CPN1: variants seen among roughly 807,000 people sequenced by gnomAD.
The protein encoded by CPN1 is carboxypeptidase N catalytic chain.
Under a neutral mutation model 46.4 loss-of-function variants are expected in CPN1, and 37 were observed. That is an observed-to-expected ratio of 0.80 (90% CI 0.61 to 1.05). CPN1 has a LOEUF of 1.05. Among genes scored for constraint, CPN1 ranks in the 50% least tolerant of loss-of-function variants. The pLI, the probability that CPN1 is intolerant of heterozygous loss-of-function variation, is 0.00. For missense variants in CPN1, 563 were observed against 602.6 expected, an observed-to-expected ratio of 0.93 and a Z score of 0.69; for synonymous variants, 224 against 235.4, an observed-to-expected ratio of 0.95 and a Z score of 0.44.
At chr10:100,050,803 T>C (rs577710868) in intron 7 of CPN1, among the ~76,000 whole-genome samples, 2 of 152,272 alleles carry the variant, frequency 1.3e-5, no homozygotes, top group South Asian at 4.1e-4. Context: ...TTTATTATTT[T>C]TATTTTTTGT....
chr10:100,075,577 C>T (rs2041509047), intron 2 of CPN1, among the ~76,000 whole-genome samples: 1 of 152,096 alleles, frequency 6.6e-6, no homozygotes, highest in Admixed American at 6.6e-5. Context: ...TTGCAATATC[C>T]CTCCACATCT....
intron 4 of CPN1, among the ~76,000 whole-genome samples, chr10:100,064,582 T>C (rs1385796764): frequency 6.6e-6 from 1 of 151,744 alleles, no homozygotes; most frequent in Non-Finnish European, 1.5e-5. Flanking sequence ...TGTTTCGCCA[T>C]GTTGGGCAGG....
At chr10:100,042,716 C>T (rs1190838252) in intron 8 of CPN1, 143 bp from the exon 9 acceptor site, 16 of 983,292 alleles carry the variant, frequency 1.6e-5, no homozygotes, top group East Asian at 5.1e-5. Flanking sequence ...ACTTGGCTAA[C>T]GTTCCCCCAA....
chr10:100,054,895 A>T (rs2041376796), intron 6 of CPN1, among the ~76,000 whole-genome samples: 1 of 149,594 alleles, frequency 6.7e-6, no homozygotes. Context: ...ACTATAGTAA[A>T]ATACACATAA....
At chr10:100,079,503 G>C (rs1427693234) in intron 1 of CPN1, among the ~76,000 whole-genome samples, 1 of 152,212 alleles carries the variant, frequency 6.6e-6, no homozygotes, top group African/African-American at 2.4e-5. Context: ...TTGGAGTGTT[G>C]GGGGGCTAAC....
chr10:100,066,240 C>T (rs2041454329), intron 3 of CPN1, among the ~76,000 whole-genome samples: 1 of 152,102 alleles, frequency 6.6e-6, no homozygotes, highest in Admixed American at 6.5e-5. Flanking sequence ...CGTGAGCCAC[C>T]ATTCCCAGCC....
chr10:100,055,145 G>A (rs2041378184), intron 6 of CPN1, among the ~76,000 whole-genome samples: 1 of 151,760 alleles, frequency 6.6e-6, no homozygotes, highest in Non-Finnish European at 1.5e-5. Flanking sequence ...GGCCGAGACA[G>A]GAGAATCGCT....
At chr10:100,045,167 T>C (rs952806617) in intron 8 of CPN1, among the ~76,000 whole-genome samples, 3 of 152,222 alleles carry the variant, frequency 2.0e-5, no homozygotes, top group Non-Finnish European at 4.4e-5. Context: ...TCTGAGTATA[T>C]TTGACATAAT....
At chr10:100,066,655 A>G (rs958555769) in intron 3 of CPN1, among the ~76,000 whole-genome samples, 1 of 152,268 alleles carries the variant, frequency 6.6e-6, no homozygotes, top group Non-Finnish European at 1.5e-5. Flanking sequence ...AATAATTTAC[A>G]GTCTACAGCA....
At chr10:100,054,495 G>A in intron 6 of CPN1, 49 bp from the exon 7 acceptor site, 2 of 1,478,006 alleles carry the variant, frequency 1.4e-6, no homozygotes, top group Non-Finnish European at 1.9e-6. Context: ...TGTACCATTT[G>A]TACAGTGTTT....
intron 7 of CPN1, among the ~76,000 whole-genome samples, chr10:100,049,101 G>A (rs2041335015): frequency 6.6e-6 from 1 of 151,800 alleles, no homozygotes; most frequent in Non-Finnish European, 1.5e-5. Flanking sequence ...TGGGATTACA[G>A]GTGCGTGCCA....
chr10:100,054,226 C>T (rs561817810), intron 7 of CPN1, 121 bp downstream of exon 7: 20 of 771,294 alleles, frequency 2.6e-5, no homozygotes, highest in Admixed American at 2.3e-4. Flanking sequence ...CCATCCCCCC[C>T]ACTCCCAGCA....
At chr10:100,068,501 C>A (rs1377480157) in intron 3 of CPN1, among the ~76,000 whole-genome samples, 1 of 151,854 alleles carries the variant, frequency 6.6e-6, no homozygotes, top group East Asian at 2.0e-4. Context: ...GCGTGAGCCA[C>A]CGCGCCCAGT....
chr10:100,066,869 G>A (rs1395506698), intron 3 of CPN1, among the ~76,000 whole-genome samples: 2 of 152,196 alleles, frequency 1.3e-5, no homozygotes, highest in Admixed American at 1.3e-4. Context: ...ACCCTCTGGG[G>A]CAGTTCTGTC....
At chr10:100,049,247 G>A (rs1329275737) in intron 7 of CPN1, among the ~76,000 whole-genome samples, 2 of 147,422 alleles carry the variant, frequency 1.4e-5, no homozygotes, top group African/African-American at 5.2e-5. Context: ...GTGAGCCGCT[G>A]AGCCCGTTGG....
intron 3 of CPN1, among the ~76,000 whole-genome samples, chr10:100,068,619 A>G (rs1038844717): frequency 5.9e-5 from 9 of 152,140 alleles, no homozygotes; most frequent in African/African-American, 2.2e-4. Flanking sequence ...ACAATAGTTC[A>G]CTGTAACCTT....
At chr10:100,064,756 GTTAT>G (rs749545672) in intron 4 of CPN1, among the ~76,000 whole-genome samples, 124 of 152,076 alleles carry the variant, frequency 8.2e-4, no homozygotes, top group Admixed American at 1.6e-3. Flanking sequence ...GTTTTGAACT[GTTAT>G]TTAAACCTTT....
rs1476817659 is a variant in CPN1 at position 100,074,266 on chromosome 10, G to A, written c.420+1645C>T. Among the ~76,000 whole-genome samples, 3 of 152,198 alleles carry A rather than the reference G, an allele frequency of 2.0e-5. No homozygotes were observed. The East Asian group carries it at 5.8e-4, about 29-fold the overall frequency. ...AGCCACGCAGACAGCTTGCCTCTGG[G>A]CATGGCAGGTATCTCTGAGAGTCTG... is the stretch of plus-strand genomic sequence containing the variant. On this transcript the variant is annotated intron_variant, in intron 2 of 8. Transcript: ENST00000370418.
At chr10:100,081,024 A>G (rs1302708604) in intron 1 of CPN1, among the ~76,000 whole-genome samples, 1 of 152,230 alleles carries the variant, frequency 6.6e-6, no homozygotes, top group African/African-American at 2.4e-5. Flanking sequence ...TGGCAGAACT[A>G]GAAGGGCTCA....
Sources: gnomAD v4.1 joint callset for allele counts (sites outside exome capture counted in the v4.1 genomes callset) on GRCh38, gnomAD v4.1.1 for gene constraint, MANE v1.5 for transcripts, NCBI Gene and HGNC (gene_info 2026-07-23, HGNC 2026-07-21) for gene names.